IDE: variants seen among roughly 807,000 people sequenced by gnomAD.
IDE encodes the protein insulin degrading enzyme.
Under a neutral mutation model 133.2 loss-of-function variants are expected in IDE, and 58 were observed. That is an observed-to-expected ratio of 0.44 (90% CI 0.35 to 0.54). IDE has a LOEUF of 0.54. Ranked by LOEUF, IDE falls within the 20% of genes least tolerant of loss-of-function variation. The pLI, the probability that IDE is intolerant of heterozygous loss-of-function variation, is 0.00. For synonymous variants in IDE, 396 were observed against 421.3 expected (o/e 0.94, Z 0.73); for missense variants, 981 against 1,234.0 (o/e 0.79, Z 3.07).
chr10:92,483,060 G>A (rs1449751892), intron 14 of IDE, among the ~76,000 whole-genome samples, 195 bp downstream of exon 14: 3 of 152,140 alleles, frequency 2.0e-5, no homozygotes, highest in African/African-American at 4.8e-5. Context: ...GATTACAGGC[G>A]TGAGCCACCG....
intron 12 of IDE, among the ~76,000 whole-genome samples, chr10:92,488,789 GAAAA>G (rs1847171411): frequency 6.7e-6 from 1 of 149,686 alleles, no homozygotes; most frequent in African/African-American, 2.5e-5. Context: ...AAAAAAAAAA[GAAAA>G]AACAAAGTTG....
At chr10:92,510,766 G>T (rs116743911) in intron 5 of IDE, among the ~76,000 whole-genome samples, 439 of 111,344 alleles carry the variant, frequency 3.9e-3, no homozygotes, top group African/African-American at 0.015. Context: ...TCACATATAT[G>T]ATATATAGCA....
intron 1 of IDE, among the ~76,000 whole-genome samples, chr10:92,562,099 G>T (rs1475706901): frequency 6.6e-6 from 1 of 152,122 alleles, no homozygotes; most frequent in Non-Finnish European, 1.5e-5. Flanking sequence ...CAGGAATGTG[G>T]GCCCACTGTT....
chr10:92,476,111 C>G (rs1458333779), intron 15 of IDE, 117 bp from the exon 16 acceptor site: 1 of 610,726 alleles, frequency 1.6e-6, no homozygotes, highest in Non-Finnish European at 2.9e-6. Context: ...AAAAATGAAA[C>G]AAATTCAATT....
chr10:92,548,579 T>G (rs1024773473), intron 1 of IDE, among the ~76,000 whole-genome samples: 4 of 152,096 alleles, frequency 2.6e-5, no homozygotes, highest in Non-Finnish European at 4.4e-5. Flanking sequence ...TCATCATTAT[T>G]ATGGTCGCAG....
At chr10:92,563,422 A>C (rs558916788) in intron 1 of IDE, among the ~76,000 whole-genome samples, 29 of 151,914 alleles carry the variant, frequency 1.9e-4, no homozygotes, top group Non-Finnish European at 3.8e-4. Flanking sequence ...ATTGCACTCC[A>C]GCCTGGGCTA....
intron 11 of IDE, among the ~76,000 whole-genome samples, chr10:92,494,228 A>AT (rs56276579): frequency 0.018 from 2,369 of 130,640 alleles, 30 homozygotes; most frequent in South Asian, 0.038. Flanking sequence ...TACCCAGCCA[A>AT]TTTTTTTTTT....
chr10:92,512,594 A>T (rs1459438861), intron 5 of IDE, among the ~76,000 whole-genome samples: 1 of 151,606 alleles, frequency 6.6e-6, no homozygotes, highest in African/African-American at 2.4e-5. Context: ...TTGGCACCTA[A>T]TCCCAGGACT....
chr10:92,463,174 C>T (rs1218822125), intron 21 of IDE, among the ~76,000 whole-genome samples: 1 of 152,236 alleles, frequency 6.6e-6, no homozygotes, highest in African/African-American at 2.4e-5. Context: ...CCCACATCCT[C>T]TGACTTCTAG....
chr10:92,476,136 T>C, intron 15 of IDE, 142 bp from the exon 16 acceptor site: 1 of 590,128 alleles, frequency 1.7e-6, no homozygotes. Context: ...GTGTCATAAA[T>C]ATATATAGTG....
chr10:92,560,644 A>T (rs899144537), intron 1 of IDE, among the ~76,000 whole-genome samples: 4 of 152,036 alleles, frequency 2.6e-5, no homozygotes, highest in African/African-American at 9.7e-5. Context: ...TTAGCCAGGC[A>T]TGGTGGTGCG....
chr10:92,479,744 G>C (rs890160108), intron 14 of IDE: 9 of 210,378 alleles, frequency 4.3e-5, no homozygotes, highest in Middle Eastern at 1.8e-3. Context: ...TGAGCAGTGG[G>C]AACGGGCCAA....
intron 4 of IDE, among the ~76,000 whole-genome samples, chr10:92,527,260 C>A (rs551423989): frequency 6.6e-6 from 1 of 152,098 alleles, no homozygotes; most frequent in Non-Finnish European, 1.5e-5. Flanking sequence ...TATCAAGTTT[C>A]CATATGTTTG....
rs547328257 is a variant in IDE at position 92,453,399 on chromosome 10, G to C, written c.*1045C>G. ...GGCAAGATTAGACTGGTAGCAACAA[G>C]GGATTTTAGAGTTTTATGAAGACCT... On this transcript the variant is annotated 3_prime_UTR_variant, in exon 25 of 25. Transcript: ENST00000265986. 2.0e-5 allele frequency: 3 copies of C among 152,268 alleles called. No homozygotes were observed. Among genetic ancestry groups the C allele is most frequent in the African/African-American group, 7.2e-5 (3 of 41,552 alleles). The allele number at this position is 152,268 out of a possible 1,614,324, so 9.4% of individuals were successfully genotyped here. A position where few individuals can be genotyped will look rare whatever the true frequency, so the allele number is the denominator to read the frequency against.
intron 3 of IDE, among the ~76,000 whole-genome samples, chr10:92,533,749 C>T (rs1018708112): frequency 2.7e-5 from 4 of 147,162 alleles, no homozygotes; most frequent in East Asian, 2.0e-4. Flanking sequence ...CAAGGCTGGG[C>T]GCAGTGGCTC....
At chr10:92,464,943 T>C (rs1292735483) in intron 20 of IDE, among the ~76,000 whole-genome samples, 1 of 152,256 alleles carries the variant, frequency 6.6e-6, no homozygotes, top group Non-Finnish European at 1.5e-5. Flanking sequence ...GTGCTGGGAT[T>C]ATAGGCGTGA....
intron 4 of IDE, among the ~76,000 whole-genome samples, chr10:92,515,420 T>G (rs1226968511): frequency 6.7e-6 from 1 of 149,142 alleles, no homozygotes; most frequent in East Asian, 2.0e-4. Context: ...CCACGACACC[T>G]GGCTAATTTT....
chr10:92,467,879 G>C (rs1035506401), intron 19 of IDE, among the ~76,000 whole-genome samples: 1 of 152,214 alleles, frequency 6.6e-6, no homozygotes, highest in African/African-American at 2.4e-5. Context: ...AAGGTATCCT[G>C]AAGTAATAAT....
intron 1 of IDE, 52 bp downstream of exon 1, chr10:92,573,870 A>C: frequency 3.1e-6 from 4 of 1,292,808 alleles, no homozygotes; most frequent in Non-Finnish European, 4.1e-6. Context: ...CCCGAGCGCC[A>C]AACCGCTGTG....
Sources: gnomAD v4.1 joint callset for allele counts (sites outside exome capture counted in the v4.1 genomes callset) on GRCh38, gnomAD v4.1.1 for gene constraint, MANE v1.5 for transcripts, NCBI Gene and HGNC (gene_info 2026-07-23, HGNC 2026-07-21) for gene names.